KIF13B: variants seen among roughly 807,000 people sequenced by gnomAD.
KIF13B encodes the protein kinesin family member 13B, also known as kinesin-like protein KIF13B.
KIF13B carries 127 observed loss-of-function variants against 222.0 expected under a neutral mutation model. The ratio of observed to expected loss-of-function variants is 0.57; its 90% CI spans 0.50 to 0.66. The LOEUF (loss-of-function observed/expected upper bound fraction) is 0.66. KIF13B is among the 30% of genes least tolerant of loss of function. The probability of loss-of-function intolerance (pLI) is 0.00; values close to 1 mark genes in which losing one functional copy is unlikely to be tolerated. For synonymous variants in KIF13B, 976 were observed against 919.0 expected (o/e 1.06, Z -1.12); for missense variants, 2,173 against 2,379.0 (o/e 0.91, Z 1.80).
chr8:29,230,530 AAG>A (rs2130582533), intron 2 of KIF13B, among the ~76,000 whole-genome samples: 2 of 152,332 alleles, frequency 1.3e-5, no homozygotes, highest in East Asian at 3.9e-4. Context: ...GGACACAGAC[AAG>A]GGCATGCGAG....
At chr8:29,174,316 A>C (rs1370082441) in intron 10 of KIF13B, among the ~76,000 whole-genome samples, 1 of 152,154 alleles carries the variant, frequency 6.6e-6, no homozygotes, top group Non-Finnish European at 1.5e-5. Context: ...TCATCCTCCA[A>C]AGTCTTGAAT....
chr8:29,259,893 G>A (rs1816619992), intron 1 of KIF13B, among the ~76,000 whole-genome samples: 1 of 152,184 alleles, frequency 6.6e-6, no homozygotes, highest in Admixed American at 6.5e-5. Context: ...CATCTCAGAT[G>A]AAGAAAGGCA....
In KIF13B at chr8:29,210,971, C is replaced by T. The variant is rs1159713142; in HGVS notation, c.150-14772G>A. The stretch of plus-strand genomic sequence containing the variant: ...TGGTTTGTGTCCTTCATGGAGGCAC[C>T]TGACCCAGAGGGAGTGGGGGCTAAA... On this transcript the variant is annotated intron_variant, in intron 2 of 39. Transcript: ENST00000524189. Among the ~76,000 whole-genome samples, 8 of 152,310 alleles carry T rather than the reference C, an allele frequency of 5.3e-5. No individual in the cohort carries two copies. The South Asian group carries it at 1.7e-3, about 32-fold the overall frequency.
chr8:29,116,682 A>G (rs1809611567), intron 31 of KIF13B, 149 bp downstream of exon 31: 1 of 581,542 alleles, frequency 1.7e-6, no homozygotes. Context: ...TGAAGCAAGC[A>G]TGGGTACAGG....
intron 10 of KIF13B, 95 bp from the exon 11 acceptor site, chr8:29,167,680 C>T: frequency 1.0e-6 from 1 of 982,704 alleles, no homozygotes. Flanking sequence ...CAAATTTCCC[C>T]AGGTCAAACA....
At chr8:29,085,705 CTTTTTTT>C (rs71222589) in intron 37 of KIF13B, among the ~76,000 whole-genome samples, 1 of 48,716 alleles carries the variant, frequency 2.1e-5, no homozygotes, top group Non-Finnish European at 3.8e-5. Context: ...AAATACTCTT[CTTTTTTT>C]TTTTTTTTTT....
intron 1 of KIF13B, among the ~76,000 whole-genome samples, chr8:29,257,240 G>T (rs371344632): frequency 9.2e-5 from 14 of 152,080 alleles, no homozygotes; most frequent in East Asian, 3.8e-4. Context: ...CAGAGCGAAA[G>T]CCCCATACAG....
chr8:29,237,015 A>G (rs1485265795), intron 2 of KIF13B, among the ~76,000 whole-genome samples: 1 of 152,166 alleles, frequency 6.6e-6, no homozygotes, highest in African/African-American at 2.4e-5. Context: ...AGATTAACCT[A>G]ACTCTCAGCT....
chr8:29,148,649 C>A lies in KIF13B; in HGVS notation c.1741G>T (p.Val581Leu), dbSNP rs1442719645. The A allele has an allele frequency of 1.2e-6, 2 of 1,613,170 alleles. No individual in the cohort carries two copies. The highest frequency in any genetic ancestry group is 1.3e-5 in the African/African-American group (1 of 75,008). ...TAATTAAAGTTAACTTCACTGGACA[C>A]CTCGCTGGAGGAGTCTCCGTCTACA... is the stretch of plus-strand genomic sequence containing the variant. ...LDVDGDSSSE[V>L]SSEVNFNYEY... Residue 581 changes from valine to leucine, a missense_variant, in exon 16 of 40, where the codon GTG becomes TTG. Val to Leu is a conservative substitution (Grantham distance 32). Transcript: ENST00000524189.
At chr8:29,100,059 A>C (rs541341113) in intron 35 of KIF13B, among the ~76,000 whole-genome samples, 25 of 152,378 alleles carry the variant, frequency 1.6e-4, no homozygotes, top group Admixed American at 1.5e-3. Context: ...CATTTTAAAT[A>C]GATATTAAAG....
intron 37 of KIF13B, among the ~76,000 whole-genome samples, chr8:29,092,031 C>T (rs1041225782): frequency 1.3e-5 from 2 of 152,200 alleles, no homozygotes; most frequent in Non-Finnish European, 2.9e-5. Context: ...TTTAGAAGAA[C>T]GTGAAGAAGC....
At chr8:29,225,019 T>C (rs187397414) in intron 2 of KIF13B, among the ~76,000 whole-genome samples, 2 of 152,302 alleles carry the variant, frequency 1.3e-5, no homozygotes, top group East Asian at 3.9e-4. Flanking sequence ...GTGTTACAGC[T>C]GCAAGGAAAA....
At chr8:29,238,611 A>C (rs1238596270) in intron 2 of KIF13B, among the ~76,000 whole-genome samples, 1 of 152,230 alleles carries the variant, frequency 6.6e-6, no homozygotes, top group Non-Finnish European at 1.5e-5. Context: ...TCATTAGGTT[A>C]AACATGACAC....
chr8:29,081,296 C>T (rs1807799938), intron 37 of KIF13B, among the ~76,000 whole-genome samples: 1 of 152,224 alleles, frequency 6.6e-6, no homozygotes, highest in African/African-American at 2.4e-5. Context: ...CCCAACAGGG[C>T]AGCAGCCCTG....
chr8:29,118,173 A>T (rs1041886227), intron 30 of KIF13B, among the ~76,000 whole-genome samples: 2 of 147,836 alleles, frequency 1.4e-5, no homozygotes, highest in African/African-American at 2.5e-5. Context: ...AAAAAAAATT[A>T]AAAAGTCCTT....
At chr8:29,073,734 T>C (rs1239906829) in intron 38 of KIF13B, among the ~76,000 whole-genome samples, 3 of 152,212 alleles carry the variant, frequency 2.0e-5, no homozygotes, top group African/African-American at 7.2e-5. Flanking sequence ...AGCAGCTTGA[T>C]AAATCATGCG....
At chr8:29,197,355 A>AAAAAAAAAC (rs1813484227) in intron 2 of KIF13B, among the ~76,000 whole-genome samples, 1 of 149,944 alleles carries the variant, frequency 6.7e-6, no homozygotes, top group African/African-American at 2.4e-5. Context: ...AAAAAAAAAA[A>AAAAAAAAAC]AAAAAACTCA....
chr8:29,107,807 T>A (rs558867615), intron 35 of KIF13B, among the ~76,000 whole-genome samples: 6 of 151,984 alleles, frequency 3.9e-5, no homozygotes, highest in South Asian at 2.1e-4. Context: ...TGATCCGCCC[T>A]CCTTGGCCTC....
At chr8:29,181,476 C>T (rs1330430732) in intron 7 of KIF13B, among the ~76,000 whole-genome samples, 1 of 152,124 alleles carries the variant, frequency 6.6e-6, no homozygotes, top group African/African-American at 2.4e-5. Context: ...TTAGGTGCAA[C>T]TGAACACAAT....
Sources: allele counts gnomAD v4.1 joint callset (sites outside exome capture counted in the v4.1 genomes callset), GRCh38; gene constraint gnomAD v4.1.1; transcripts MANE v1.5; gene names NCBI Gene and HGNC (gene_info 2026-07-23, HGNC 2026-07-21).